Variants in DMC1 observed in about 807,000 individuals in gnomAD.
DMC1 encodes DNA meiotic recombinase 1.
Under a neutral mutation model 50.1 loss-of-function variants are expected in DMC1, and 27 were observed. The observed-to-expected ratio is 0.54, with a 90% confidence interval of 0.40 to 0.74. DMC1 has a LOEUF of 0.74. Among genes scored for constraint, DMC1 ranks in the 30% least tolerant of loss-of-function variants. DMC1 has a pLI of 0.00. For synonymous variants in DMC1, 148 were observed against 136.1 expected, an observed-to-expected ratio of 1.09 and a Z score of -0.61; for missense variants, 295 against 420.2, an observed-to-expected ratio of 0.70 and a Z score of 2.60.
chr22:38,522,411 C>T (rs11570429), intron 12 of DMC1, among the ~76,000 whole-genome samples: 3,382 of 151,966 alleles, frequency 0.022, 49 homozygotes, highest in Middle Eastern at 0.051. Flanking sequence ...AAAAATTAGC[C>T]AGGTGTGGTG....
intron 12 of DMC1, among the ~76,000 whole-genome samples, chr22:38,527,338 G>T (rs997265757): frequency 2.6e-5 from 4 of 151,890 alleles, no homozygotes; most frequent in Non-Finnish European, 5.9e-5. Context: ...TGGAGTAGCT[G>T]GGACTACAGG....
At chr22:38,569,545 T>C (rs1412712346) in intron 1 of DMC1, among the ~76,000 whole-genome samples, 2 of 152,098 alleles carry the variant, frequency 1.3e-5, no homozygotes, top group Admixed American at 1.3e-4. Flanking sequence ...GTACCCCAAT[T>C]CCACATTTAC....
chr22:38,537,144 G>A (rs1194496934), intron 12 of DMC1, among the ~76,000 whole-genome samples: 4 of 152,244 alleles, frequency 2.6e-5, no homozygotes, highest in African/African-American at 7.2e-5. Context: ...GAGCCACTGC[G>A]CCCAGTAATA....
intron 7 of DMC1, among the ~76,000 whole-genome samples, chr22:38,551,046 GCCTCATCAACATGGTGAAA>G (rs1160384064): frequency 2.0e-5 from 3 of 150,500 alleles, no homozygotes; most frequent in African/African-American, 7.3e-5. Context: ...TTTGAGACCA[GCCTCATCAACATGGTGAAA>G]CCCCATCTCT....
At chr22:38,530,185 T>C (rs1481470615) in intron 12 of DMC1, among the ~76,000 whole-genome samples, 2 of 152,010 alleles carry the variant, frequency 1.3e-5, no homozygotes, top group Non-Finnish European at 2.9e-5. Flanking sequence ...CAGGCTGGTC[T>C]CGAACTCCTG....
chr22:38,530,340 G>A (rs1309064497), intron 12 of DMC1, among the ~76,000 whole-genome samples: 2 of 151,134 alleles, frequency 1.3e-5, no homozygotes, highest in African/African-American at 4.9e-5. Flanking sequence ...AAGAGAAGAG[G>A]TGGTTAAAAA....
rs1010406986 is a variant in DMC1, at chr22:38,522,793, T to G, written c.837-1069A>C. 8.5e-5 allele frequency among the ~76,000 whole-genome samples: 13 copies of G among 152,220 alleles called. 1 individual carries two copies. The highest frequency in any genetic ancestry group is 3.1e-4 in the African/African-American group (13 of 41,464). On this transcript the variant is annotated intron_variant, in intron 12 of 13. Coordinates refer to ENST00000216024, the MANE Select transcript of DMC1 (RefSeq NM_007068.4). ...AGCTTCAGGCTTGGTATAGCAAGGATGTAGCTGATTGGCATGAGGTTAAAT... is the reference window on the plus strand; with the variant it reads ...AGCTTCAGGCTTGGTATAGCAAGGAGGTAGCTGATTGGCATGAGGTTAAAT...
chr22:38,513,271 C>A, the DMC1 span, among the ~76,000 whole-genome samples: 2 of 152,234 alleles, frequency 1.3e-5, no homozygotes, highest in African/African-American at 4.8e-5. Flanking sequence ...CCCCTGCTGT[C>A]ACTGCAGGTG....
At chr22:38,567,518 C>G in intron 3 of DMC1, 65 bp downstream of exon 3, 2 of 1,331,064 alleles carry the variant, frequency 1.5e-6, no homozygotes, top group Non-Finnish European at 2.2e-6. Context: ...GCCCAAATGT[C>G]CATAAGGTTG....
Position 38,520,000 on chromosome 22 carries a change from A to T in DMC1, c.*20T>A. 6.2e-7 allele frequency: 1 copy of T among 1,607,646 alleles called. No individual in the cohort carries two copies. Among genetic ancestry groups the T allele is most frequent in the African/African-American group, 1.3e-5 (1 of 74,908 alleles). On this transcript the variant is annotated 3_prime_UTR_variant, in exon 14 of 14. Transcript: ENST00000216024. ...CAGCTCCTAATAAGCACTAAGAAGC[A>T]ATTTGCATCAATTCACCACCTACTC...
intron 4 of DMC1, among the ~76,000 whole-genome samples, chr22:38,563,556 A>G (rs2090550534): frequency 6.6e-6 from 1 of 151,318 alleles, no homozygotes; most frequent in African/African-American, 2.4e-5. Context: ...CACTTTCTCT[A>G]TCTCTAAGAA....
intron 4 of DMC1, among the ~76,000 whole-genome samples, chr22:38,563,589 C>A (rs1189624095): frequency 6.6e-6 from 1 of 152,122 alleles, no homozygotes; most frequent in Non-Finnish European, 1.5e-5. Flanking sequence ...TGCAGTAGCT[C>A]ACACCTGTAA....
chr22:38,513,309 C>T, the DMC1 span, among the ~76,000 whole-genome samples: 1 of 152,342 alleles, frequency 6.6e-6, no homozygotes, highest in East Asian at 1.9e-4. Context: ...CTGCTGTCAT[C>T]CTTGTGACTG....
At chr22:38,551,245 C>A (rs1439171253) in intron 7 of DMC1, among the ~76,000 whole-genome samples, 2 of 150,530 alleles carry the variant, frequency 1.3e-5, no homozygotes, top group African/African-American at 2.4e-5. Context: ...GAGACTCCGT[C>A]TCAAAAAAAA....
chr22:38,539,493 G>A (rs1294417173), intron 8 of DMC1, 81 bp from the exon 9 acceptor site: 20 of 1,090,130 alleles, frequency 1.8e-5, no homozygotes, highest in Middle Eastern at 4.0e-4. Context: ...AATATCTTCC[G>A]TAAATTAACA....
At chr22:38,560,012 C>T (rs552323034) in intron 5 of DMC1, among the ~76,000 whole-genome samples, 2 of 149,472 alleles carry the variant, frequency 1.3e-5, no homozygotes, top group South Asian at 2.1e-4. Flanking sequence ...AGCAAGACTC[C>T]GTCTGAAAAA....
At chr22:38,533,537 CT>C (rs1435290636) in intron 12 of DMC1, among the ~76,000 whole-genome samples, 2 of 151,870 alleles carry the variant, frequency 1.3e-5, no homozygotes, top group Non-Finnish European at 1.5e-5. Flanking sequence ...ACAGAATTTA[CT>C]CCAGCATATC....
intron 12 of DMC1, among the ~76,000 whole-genome samples, chr22:38,522,346 G>A (rs1481652129): frequency 6.6e-6 from 1 of 151,652 alleles, no homozygotes; most frequent in Non-Finnish European, 1.5e-5. Flanking sequence ...ACTGAGGTCA[G>A]AAGTTCGAGA....
intron 4 of DMC1, among the ~76,000 whole-genome samples, chr22:38,564,481 T>C (rs2090561155): frequency 6.6e-6 from 1 of 152,122 alleles, no homozygotes. Context: ...GGCTAATTTT[T>C]GTATTTTTAG....
Sources: gnomAD v4.1 joint callset for allele counts (sites outside exome capture counted in the v4.1 genomes callset) on GRCh38, gnomAD v4.1.1 for gene constraint, MANE v1.5 for transcripts, NCBI Gene and HGNC (gene_info 2026-07-23, HGNC 2026-07-21) for gene names.